BZW1: variants seen among roughly 807,000 people sequenced by gnomAD.
The protein encoded by BZW1 is eIF5-mimic protein 2.
Under a neutral mutation model 54.1 loss-of-function variants are expected in BZW1, and 3 were observed. That is an observed-to-expected ratio of 0.06 (90% CI 0.03 to 0.14). The LOEUF is 0.14. Ranked by LOEUF, BZW1 falls within the 10% of genes least tolerant of loss-of-function variation. The pLI is 1.00. For missense variants in BZW1, 206 were observed against 491.7 expected (o/e 0.42, Z 5.50); for synonymous variants, 152 against 162.7 (o/e 0.93, Z 0.50).
chr2:200,812,118 G>A (rs2038087553), intron 1 of BZW1, 128 bp downstream of exon 1: 2 of 831,810 alleles, frequency 2.4e-6, no homozygotes, highest in East Asian at 3.4e-5. Context: ...CGCCTCTTGA[G>A]GCCGGGCCGG....
intron 1 of BZW1, 160 bp downstream of exon 1, chr2:200,812,150 C>A (rs1444022701): frequency 5.4e-6 from 6 of 1,101,060 alleles, no homozygotes; most frequent in Non-Finnish European, 6.9e-6. Flanking sequence ...GAAAGGCCGC[C>A]GCTTCGGCAG....
chr2:200,814,707 C>G (rs1374232163), intron 2 of BZW1, among the ~76,000 whole-genome samples: 2 of 152,136 alleles, frequency 1.3e-5, no homozygotes, highest in Non-Finnish European at 2.9e-5. Flanking sequence ...AAATGGTGGT[C>G]AGGATTTGAA....
intron 5 of BZW1, among the ~76,000 whole-genome samples, chr2:200,816,869 T>C (rs550091409): frequency 2.0e-5 from 3 of 152,322 alleles, no homozygotes; most frequent in African/African-American, 7.2e-5. Context: ...ATTCACTCAA[T>C]GTTTATAAAA....
chr2:200,819,625 A>G (rs1356872479), intron 9 of BZW1, among the ~76,000 whole-genome samples: 1 of 135,980 alleles, frequency 7.4e-6, no homozygotes, highest in Non-Finnish European at 1.7e-5. Flanking sequence ...CAGTGATGTG[A>G]TCTCAGCTCA....
rs763089927 is a variant in BZW1 at position 200,811,957 on chromosome 2, G to C, written c.-44G>C. ...CCGCCGCAGTTGCCGGTACATCGGG[G>C]ATTTCTGGCTCTTTCCTCTTCGCCT... On this transcript the variant is annotated 5_prime_UTR_variant, in exon 1 of 12. Coordinates refer to ENST00000409600, the MANE Select transcript of BZW1 (RefSeq NM_001207067.2). 5.8e-4 allele frequency: 184 copies of C among 316,724 alleles called. No homozygotes were observed. Among genetic ancestry groups the C allele is most frequent in the Non-Finnish European group, 8.2e-4 (142 of 174,144 alleles). The allele number at this position is 316,724 out of a possible 1,614,324, so 19.6% of individuals were successfully genotyped here. A position where few individuals can be genotyped will look rare whatever the true frequency, so the allele number is the denominator to read the frequency against.
intron 9 of BZW1, among the ~76,000 whole-genome samples, chr2:200,819,669 T>A (rs1020843844): frequency 6.6e-6 from 1 of 151,870 alleles, no homozygotes; most frequent in Non-Finnish European, 1.5e-5. Context: ...CAAGCAGTTC[T>A]GCCTCCTCGG....
rs1210820050 is a variant in BZW1 at position 200,818,805 on chromosome 2, A to C, written c.870A>C (p.Pro290=). Residue 290 remains proline (P), a synonymous_variant, in exon 9 of 12, where the codon CCA becomes CCC. Transcript: ENST00000409600. ...EEMKKNNIPE[P]VVIGIVWSSV... ...TGAAAAAAAACAACATCCCAGAGCC[A>C]GTTGTCATCGGAATAGTCTGGTCAA... 1 of 1,597,922 alleles carries C rather than the reference A, an allele frequency of 6.3e-7. No individual in the cohort carries two copies. Among genetic ancestry groups the C allele is most frequent in the South Asian group, 1.1e-5 (1 of 87,440 alleles).
In BZW1 at chr2:200,823,641, T is replaced by C. The variant is rs1036296591; in HGVS notation, c.*1463T>C. On this transcript the variant is annotated 3_prime_UTR_variant, in exon 12 of 12. Transcript: ENST00000409600. ...TGTAATATAATTTGAAATAAAGGTA[T>C]AGTAACCTTAAAAAGAACATTATAA... is the stretch of plus-strand genomic sequence containing the variant. 3.3e-5 allele frequency: 5 copies of C among 152,542 alleles called. No homozygotes were observed. Among genetic ancestry groups the C allele is most frequent in the Admixed American group, 2.6e-4 (4 of 15,270 alleles). 9.4% of individuals were successfully genotyped at this position (152,542 alleles called of 1,614,324 possible).
intron 8 of BZW1, 56 bp from the exon 9 acceptor site, chr2:200,818,699 G>C: frequency 6.5e-7 from 1 of 1,532,588 alleles, no homozygotes; most frequent in Non-Finnish European, 8.7e-7. Context: ...CTTGATGTGT[G>C]AAGTATGTAC....
At position 200,825,830 on chromosome 2, in the gene BZW1, T is replaced by C. The variant is rs949087020; in HGVS notation, c.*3652T>C. ...AAATGTAATGTAGATGCCAAAGTTT[T>C]AGTGTACAGTGTTACTTAAATTACC... is the stretch of plus-strand genomic sequence containing the variant. On this transcript the variant is annotated 3_prime_UTR_variant, in exon 12 of 12. Transcript: ENST00000409600. 1 of 152,238 alleles carries C rather than the reference T, an allele frequency of 6.6e-6. No homozygotes were observed. The highest frequency in any genetic ancestry group is 2.4e-5 in the African/African-American group (1 of 41,466). 9.4% of individuals were successfully genotyped at this position (152,238 alleles called of 1,614,324 possible).
chr2:200,816,638 T>C (rs1213760016), intron 5 of BZW1, among the ~76,000 whole-genome samples: 2 of 152,104 alleles, frequency 1.3e-5, no homozygotes, highest in African/African-American at 4.8e-5. Context: ...ATTACAGGCA[T>C]GTGCCACCAT....
rs762446462 is a variant in BZW1, at chr2:200,822,127, GT to G, written c.1229-13del. On this transcript the variant is annotated intron_variant, in intron 11 of 11. Coordinates refer to ENST00000409600, the MANE Select transcript of BZW1 (RefSeq NM_001207067.2). Reference sequence around the variant, plus strand: ...GCCTTCTGATACATAATGTTTGACTGTTTTTTTCCCCTTTTCTAGAATCTGA... The same window carrying G: ...GCCTTCTGATACATAATGTTTGACTGTTTTTTCCCCTTTTCTAGAATCTGA... The G allele has an allele frequency of 4.4e-6, 7 of 1,598,230 alleles. No individual in the cohort carries two copies. The highest frequency in any genetic ancestry group is 1.7e-4 in the Middle Eastern group (1 of 6,042).
At chr2:200,813,876 T>C (rs1236414433) in intron 2 of BZW1, among the ~76,000 whole-genome samples, 2 of 152,248 alleles carry the variant, frequency 1.3e-5, no homozygotes, top group African/African-American at 2.4e-5. Flanking sequence ...GTCTCAGATA[T>C]ATTTTTACTG....
chr2:200,812,674 T>G (rs1001435417), intron 1 of BZW1: 1 of 1,105,654 alleles, frequency 9.0e-7, no homozygotes. Context: ...GGGCTGGCTG[T>G]TAGTTTTGCA....
Position 200,823,276 on chromosome 2 carries a change from C to G in BZW1, c.*1098C>G, listed in dbSNP as rs931816697. On this transcript the variant is annotated 3_prime_UTR_variant, in exon 12 of 12. Coordinates refer to ENST00000409600, the MANE Select transcript of BZW1 (RefSeq NM_001207067.2). The stretch of plus-strand genomic sequence containing the variant: ...TCTCTTAATATACTCAGTAATGACT[C>G]AAGCCTCTGGCTATTAACATACCCT... The G allele has an allele frequency of 5.4e-5, 9 of 165,242 alleles. No individual in the cohort carries two copies. Among genetic ancestry groups the G allele is most frequent in the African/African-American group, 2.2e-4 (9 of 41,474 alleles). 10.2% of individuals were successfully genotyped at this position (165,242 alleles called of 1,614,324 possible).
chr2:200,812,640 T>C, intron 1 of BZW1: 1 of 1,266,098 alleles, frequency 7.9e-7, no homozygotes, highest in Non-Finnish European at 1.1e-6. Flanking sequence ...AGGCTAGGAC[T>C]GTGGGATATG....
Position 200,816,463 on chromosome 2 carries a change from G to A in BZW1, c.402+73G>A, listed in dbSNP as rs376528010. ...AAGAGGAATGTTAAATCCTAATTCC[G>A]CCACAGATTTGGAGTAATTTTGCTT... On this transcript the variant is annotated intron_variant, in intron 5 of 11. Transcript: ENST00000409600. The A allele has an allele frequency of 7.1e-6, 8 of 1,123,674 alleles. No homozygotes were observed. In the East Asian group the frequency reaches 7.8e-5, roughly 11 times the overall value. 69.6% of individuals were successfully genotyped at this position (1,123,674 alleles called of 1,614,324 possible).
chr2:200,819,692 T>G (rs979103210), intron 9 of BZW1, among the ~76,000 whole-genome samples: 5 of 151,704 alleles, frequency 3.3e-5, no homozygotes, highest in Non-Finnish European at 7.4e-5. Flanking sequence ...TCCCAAGTAG[T>G]GCCTGGCTAA....
intron 8 of BZW1, 134 bp from the exon 9 acceptor site, chr2:200,818,621 A>G (rs2038381230): frequency 9.1e-7 from 1 of 1,104,560 alleles, no homozygotes; most frequent in Non-Finnish European, 1.3e-6. Flanking sequence ...GTCTCTTTTT[A>G]TATGTGGTAC....
Sources: allele counts gnomAD v4.1 joint callset (sites outside exome capture counted in the v4.1 genomes callset), GRCh38; gene constraint gnomAD v4.1.1; transcripts MANE v1.5; gene names NCBI Gene and HGNC (gene_info 2026-07-23, HGNC 2026-07-21).